The following HMGA2 variants were observed in gnomAD, a reference collection of about 807,000 sequenced individuals.
HMGA2 encodes high mobility group AT-hook 2, also known as high mobility group protein HMGI-C.
HMGA2 carries 8 observed loss-of-function variants against 19.1 expected under a neutral mutation model. The ratio of observed to expected loss-of-function variants is 0.42; its 90% CI spans 0.25 to 0.76. The LOEUF (loss-of-function observed/expected upper bound fraction) is 0.76, where lower values mean the gene tolerates loss of function less well. Among genes scored for constraint, HMGA2 ranks in the 30% least tolerant of loss-of-function variants. The pLI, the probability that HMGA2 is intolerant of heterozygous loss-of-function variation, is 0.28. For synonymous variants in HMGA2, 60 were observed against 48.8 expected (o/e 1.23, Z -0.96); for missense variants, 109 against 136.3 (o/e 0.80, Z 1.00).
intron 3 of HMGA2, among the ~76,000 whole-genome samples, chr12:65,850,977 T>C (rs1871435210): frequency 6.6e-6 from 1 of 152,216 alleles, no homozygotes; most frequent in African/African-American, 2.4e-5. Context: ...TGTCTTGTTC[T>C]TAATGGTGAC....
intron 3 of HMGA2, among the ~76,000 whole-genome samples, chr12:65,851,059 G>T (rs1871439896): frequency 6.6e-6 from 1 of 152,100 alleles, no homozygotes; most frequent in Admixed American, 6.5e-5. Flanking sequence ...TACGTACTTT[G>T]GGTCTTAACA....
chr12:65,932,458 G>T (rs973972716), intron 3 of HMGA2, among the ~76,000 whole-genome samples: 1 of 152,260 alleles, frequency 6.6e-6, no homozygotes, highest in Middle Eastern at 3.4e-3. Context: ...CTGGCTATAT[G>T]CCAGGAACTA....
At chr12:65,916,503 C>T (rs575576352) in intron 3 of HMGA2, among the ~76,000 whole-genome samples, 1 of 152,102 alleles carries the variant, frequency 6.6e-6, no homozygotes, top group South Asian at 2.1e-4. Context: ...ATAAAAACAA[C>T]TATTAAGTAA....
intron 3 of HMGA2, among the ~76,000 whole-genome samples, chr12:65,947,427 T>A (rs1488653396): frequency 6.6e-6 from 1 of 152,196 alleles, no homozygotes; most frequent in Non-Finnish European, 1.5e-5. Context: ...CATCTGTTAA[T>A]CCAAAAAATT....
intron 3 of HMGA2, among the ~76,000 whole-genome samples, chr12:65,861,976 C>G (rs560579590): frequency 9.2e-5 from 14 of 151,804 alleles, no homozygotes; most frequent in African/African-American, 3.4e-4. Flanking sequence ...TCCTGAGTAT[C>G]TGGGATTACA....
chr12:65,931,146 TG>T (rs1453659095), intron 3 of HMGA2, among the ~76,000 whole-genome samples: 1 of 152,196 alleles, frequency 6.6e-6, no homozygotes, highest in Non-Finnish European at 1.5e-5. Context: ...ATTTCAAGCT[TG>T]TTTTTTGTTC....
At chr12:65,960,281 G>A (rs181673208) in intron 4 of HMGA2, among the ~76,000 whole-genome samples, 37 of 152,262 alleles carry the variant, frequency 2.4e-4, no homozygotes, top group Non-Finnish European at 4.3e-4. Context: ...TGGGGATGTC[G>A]GAGCCAGCTG....
At chr12:65,877,977 C>T (rs992321848) in intron 3 of HMGA2, among the ~76,000 whole-genome samples, 4 of 152,182 alleles carry the variant, frequency 2.6e-5, no homozygotes, top group Non-Finnish European at 5.9e-5. Context: ...CTAATATTCT[C>T]TGTCATCATG....
chr12:65,893,526 G>T (rs1874002221), intron 3 of HMGA2, among the ~76,000 whole-genome samples: 1 of 152,168 alleles, frequency 6.6e-6, no homozygotes, highest in South Asian at 2.1e-4. Flanking sequence ...GAACAGGACT[G>T]GTTTTTGAAA....
chr12:65,938,134 T>G (rs574423709), intron 3 of HMGA2, among the ~76,000 whole-genome samples: 26 of 152,292 alleles, frequency 1.7e-4, no homozygotes, highest in African/African-American at 5.5e-4. Flanking sequence ...AGTGCCACTA[T>G]GAATGGACAC....
At chr12:65,887,877 TAAA>T (rs59062095) in intron 3 of HMGA2, among the ~76,000 whole-genome samples, 4 of 142,186 alleles carry the variant, frequency 2.8e-5, no homozygotes, top group African/African-American at 5.1e-5. Context: ...ACAGGCAAAT[TAAA>T]AAAAAAAAAA....
Position 65,825,443 on chromosome 12 carries a change from A to C in HMGA2, c.111+62A>C, listed in dbSNP as rs1592366757. 5 of 1,208,958 alleles carry C rather than the reference A, an allele frequency of 4.1e-6. No homozygotes were observed. The highest frequency in any genetic ancestry group is 5.5e-6 in the Non-Finnish European group (5 of 912,006). 74.9% of individuals were successfully genotyped at this position (1,208,958 alleles called of 1,614,324 possible). A position where few individuals can be genotyped will look rare whatever the true frequency, so the allele number is the denominator to read the frequency against. On this transcript the variant is annotated intron_variant, in intron 1 of 4. Transcript: ENST00000403681. The surrounding 1 kb of genome is among the most constrained non-coding windows in gnomAD (Gnocchi z 4.4). Reference sequence around the variant, plus strand: ...CCGTCCCCACTGCCGGGGCCCAGACACGCGCGGGGCGGCCGGAGTGCGGGA... The same window carrying C: ...CCGTCCCCACTGCCGGGGCCCAGACCCGCGCGGGGCGGCCGGAGTGCGGGA...
intron 3 of HMGA2, chr12:65,842,464 G>A: frequency 3.9e-6 from 3 of 767,858 alleles, no homozygotes; most frequent in Non-Finnish European, 2.1e-6. Context: ...AGAGTTATAT[G>A]TCAGACTAAC....
chr12:65,928,395 A>T (rs983417390), intron 3 of HMGA2, among the ~76,000 whole-genome samples: 13 of 152,202 alleles, frequency 8.5e-5, no homozygotes, highest in African/African-American at 2.9e-4. Flanking sequence ...GTGAGTGGTG[A>T]GTGAATGTGA....
intron 3 of HMGA2, among the ~76,000 whole-genome samples, chr12:65,946,138 G>A (rs1478539459): frequency 2.6e-5 from 4 of 152,096 alleles, no homozygotes; most frequent in Non-Finnish European, 5.9e-5. Flanking sequence ...ATAGAAATTA[G>A]GGTTTTTACA....
intron 1 of HMGA2, chr12:65,826,708 C>T (rs1191750599): frequency 6.6e-6 from 1 of 151,584 alleles, no homozygotes; most frequent in African/African-American, 2.4e-5. Flanking sequence ...TTACACCTCC[C>T]AGGAAGTCTC....
intron 3 of HMGA2, among the ~76,000 whole-genome samples, chr12:65,883,319 C>T (rs1338264710): frequency 6.6e-6 from 1 of 152,174 alleles, no homozygotes; most frequent in Non-Finnish European, 1.5e-5. Context: ...TGCTTTGCAT[C>T]CTGTTCTGAC....
At chr12:65,856,991 A>G (rs892624226) in intron 3 of HMGA2, 3 of 152,190 alleles carry the variant, frequency 2.0e-5, no homozygotes, top group Non-Finnish European at 4.4e-5. Flanking sequence ...GCTTCACTAT[A>G]TCTTTTTAGG....
At chr12:65,934,181 C>T (rs1194846873) in intron 3 of HMGA2, among the ~76,000 whole-genome samples, 3 of 152,166 alleles carry the variant, frequency 2.0e-5, no homozygotes, top group Admixed American at 6.5e-5. Context: ...GGCTACATTG[C>T]GAGATATTAT....
Sources: allele counts gnomAD v4.1 joint callset (sites outside exome capture counted in the v4.1 genomes callset), GRCh38; gene constraint gnomAD v4.1.1; non-coding constraint Gnocchi (gnomAD v3.1); transcripts MANE v1.5; gene names NCBI Gene and HGNC (gene_info 2026-07-23, HGNC 2026-07-21).